Variants in DNAH5 observed in about 807,000 individuals in gnomAD.
DNAH5 encodes the protein axonemal beta dynein heavy chain 5.
Under a neutral mutation model 518.2 loss-of-function variants are expected in DNAH5, and 372 were observed. The observed-to-expected ratio is 0.72, with a 90% CI of 0.66 to 0.78. The LOEUF is 0.78. Ranked by LOEUF, DNAH5 falls within the 30% of genes least tolerant of loss-of-function variation. DNAH5 has a pLI of 0.00. For synonymous variants in DNAH5, 2,039 were observed against 2,025.9 expected (o/e 1.01, Z -0.17); for missense variants, 5,523 against 5,687.0 (o/e 0.97, Z 0.93).
At position 13,770,364 on chromosome 5, in the gene DNAH5, C is replaced by T. The variant is rs1450137182; in HGVS notation, c.9605+385G>A. 5.9e-5 allele frequency among the ~76,000 whole-genome samples: 9 copies of T among 152,270 alleles called. No homozygotes were observed. The South Asian group carries it at 6.2e-4, about 11-fold the overall frequency. ...AGAGGGAAGAGGGGATGTCTGCATTCGCAACTCCCGTCCAGGTCTATTATT... is the reference window on the plus strand; with the variant it reads ...AGAGGGAAGAGGGGATGTCTGCATTTGCAACTCCCGTCCAGGTCTATTATT... On this transcript the variant is annotated intron_variant, in intron 56 of 78. Coordinates refer to ENST00000265104, the MANE Select transcript of DNAH5 (RefSeq NM_001369.3).
At chr5:13,795,106 C>T (rs1757626253) in intron 47 of DNAH5, among the ~76,000 whole-genome samples, 1 of 152,096 alleles carries the variant, frequency 6.6e-6, no homozygotes, top group African/African-American at 2.4e-5. Flanking sequence ...CAGGAAAGAT[C>T]CAAAATTGAC....
At chr5:13,842,361 C>A (rs1262767987) in intron 32 of DNAH5, among the ~76,000 whole-genome samples, 4 of 148,922 alleles carry the variant, frequency 2.7e-5, no homozygotes, top group African/African-American at 9.9e-5. Context: ...GGCTGGGCAA[C>A]AAGAGCGAGA....
At position 13,735,198 on chromosome 5, in the gene DNAH5, C is replaced by A. The variant is rs200798994; in HGVS notation, c.11694G>T (p.Leu3898Phe). ...TCTGGATGTCAATCTTTAGGGTAAGCAACAAGGTGAACAGGAATTTGTGCT... is the reference window on the plus strand; with the variant it reads ...TCTGGATGTCAATCTTTAGGGTAAGAAACAAGGTGAACAGGAATTTGTGCT... Reference protein sequence around the residue: ...YEEHKFLFTLLLTLKIDIQRN... With the variant: ...YEEHKFLFTLFLTLKIDIQRN... The change falls in exon 68 of 79, where the codon TTG becomes TTT. Residue 3898 changes from leucine (L) to phenylalanine (F), a missense_variant. Leu to Phe is a conservative substitution (Grantham distance 22). Around this residue, in one of 3 missense-constraint regions of DNAH5, gnomAD observed 5,121 missense variants for 5,223.3 expected, o/e 0.98. Transcript: ENST00000265104. The A allele has an allele frequency of 8.9e-5, 143 of 1,614,084 alleles. 1 individual carries two copies. The East Asian group carries it at 3.1e-3, about 35-fold the overall frequency.
intron 1 of DNAH5, among the ~76,000 whole-genome samples, chr5:13,961,371 T>C (rs1781164190): frequency 6.6e-6 from 1 of 152,096 alleles, no homozygotes; most frequent in East Asian, 1.9e-4. Flanking sequence ...GAGCCGGGCA[T>C]GGTGGCTCAC....
At chr5:13,716,416 T>C in intron 74 of DNAH5, 71 bp downstream of exon 74, 1 of 1,038,528 alleles carries the variant, frequency 9.6e-7, no homozygotes, top group Non-Finnish European at 1.5e-6. Flanking sequence ...ATATAGACAG[T>C]GTAATTAATA....
At chr5:13,850,585 T>C (rs1206646537) in intron 31 of DNAH5, 67 bp downstream of exon 31, 2 of 1,448,840 alleles carry the variant, frequency 1.4e-6, no homozygotes, top group East Asian at 2.3e-5. Flanking sequence ...TGGCTAATGC[T>C]ATCTAGTCTC....
intron 41 of DNAH5, 29 bp downstream of exon 41, chr5:13,820,317 C>G (rs181434521): frequency 6.2e-7 from 1 of 1,603,648 alleles, no homozygotes; most frequent in South Asian, 1.1e-5. Context: ...AATGGGCCAC[C>G]CCAGGCATTG....
intron 70 of DNAH5, among the ~76,000 whole-genome samples, chr5:13,722,645 G>A (rs1745208866): frequency 6.6e-6 from 1 of 152,188 alleles, no homozygotes; most frequent in African/African-American, 2.4e-5. Flanking sequence ...CTGAAAATTG[G>A]TCATCAGGGA....
intron 1 of DNAH5, among the ~76,000 whole-genome samples, chr5:14,010,916 AT>A (rs1372244202): frequency 6.6e-6 from 1 of 152,098 alleles, no homozygotes; most frequent in African/African-American, 2.4e-5. Context: ...CCTGATGAAA[AT>A]ATATATGAAT....
chr5:13,893,243 G>A (rs979185978), intron 16 of DNAH5, among the ~76,000 whole-genome samples: 1 of 152,102 alleles, frequency 6.6e-6, no homozygotes, highest in Non-Finnish European at 1.5e-5. Context: ...CCTGAGGGGC[G>A]GAGTTGGGGG....
At chr5:13,940,962 C>T (rs1334876899) in intron 1 of DNAH5, among the ~76,000 whole-genome samples, 1 of 152,174 alleles carries the variant, frequency 6.6e-6, no homozygotes, top group South Asian at 2.1e-4. Context: ...ATAAGTTTTG[C>T]ACATACAGTT....
At chr5:13,804,921 A>T (rs1759343419) in intron 47 of DNAH5, among the ~76,000 whole-genome samples, 1 of 152,246 alleles carries the variant, frequency 6.6e-6, no homozygotes, top group African/African-American at 2.4e-5. Flanking sequence ...CAGAAACCAC[A>T]GATCTTTAAT....
chr5:14,011,245 G>C (rs1174641770), intron 1 of DNAH5, among the ~76,000 whole-genome samples: 1 of 152,140 alleles, frequency 6.6e-6, no homozygotes, highest in Non-Finnish European at 1.5e-5. Context: ...ACACAAAAGC[G>C]ACCTTCGCCA....
In DNAH5 at chr5:13,766,021, T is replaced by C; in HGVS notation, c.10056A>G (p.Glu3352=). ...EKSCTMPSWQ[E]SLKLMTAGNF... Reference sequence around the variant, plus strand: ...TCCCTGCAGTCATCAATTTTAAGGATTCCTGCCAGGAGGGCATGGTACAGC... The same window carrying C: ...TCCCTGCAGTCATCAATTTTAAGGACTCCTGCCAGGAGGGCATGGTACAGC... Residue 3352 remains glutamate (E), a synonymous_variant, in exon 59 of 79, where the codon GAA becomes GAG. Coordinates refer to ENST00000265104, the MANE Select transcript of DNAH5 (RefSeq NM_001369.3). 6.2e-7 allele frequency: 1 copy of C among 1,614,230 alleles called. No homozygotes were observed. The highest frequency in any genetic ancestry group is 8.5e-7 in the Non-Finnish European group (1 of 1,180,022).
intron 54 of DNAH5, 126 bp from the exon 55 acceptor site, chr5:13,776,832 A>C: frequency 9.6e-7 from 1 of 1,044,358 alleles, no homozygotes. Flanking sequence ...GAAAATTGAA[A>C]GTTTTCAAGA....
intron 75 of DNAH5, among the ~76,000 whole-genome samples, chr5:13,709,611 T>C (rs906779969): frequency 6.6e-6 from 1 of 152,132 alleles, no homozygotes; most frequent in Non-Finnish European, 1.5e-5. Context: ...TTGTGAACAT[T>C]AGCTCCGGAT....
At chr5:13,701,019 A>T in intron 77 of DNAH5, 148 bp from the exon 78 acceptor site, 1 of 964,820 alleles carries the variant, frequency 1.0e-6, no homozygotes, top group Non-Finnish European at 1.6e-6. Flanking sequence ...CCCTCATTAA[A>T]AAAACCACAT....
At chr5:13,789,783 C>T (rs1404702592) in intron 50 of DNAH5, among the ~76,000 whole-genome samples, 1 of 152,132 alleles carries the variant, frequency 6.6e-6, no homozygotes, top group African/African-American at 2.4e-5. Context: ...TCAACAATTC[C>T]ATTGACTTGT....
In DNAH5 at chr5:13,718,937, T is replaced by C. The variant is rs1460843613; in HGVS notation, c.12444A>G (p.Lys4148=). The change falls in exon 72 of 79, where the codon AAA becomes AAG. Residue 4148 remains lysine (K), a synonymous_variant. Coordinates refer to ENST00000265104, the MANE Select transcript of DNAH5 (RefSeq NM_001369.3). ...FPITLLQMSI[K]FANDPPQGLR... is the part of the protein sequence containing the mutation. ...GTCCTTGTGGAGGATCGTTGGCAAA[T>C]TTAATGGACATCTGAAGGAGTGTAA... The C allele has an allele frequency of 6.2e-7, 1 of 1,614,050 alleles. No homozygotes were observed. The highest frequency in any genetic ancestry group is 8.5e-7 in the Non-Finnish European group (1 of 1,180,026).
Sources: gnomAD v4.1 joint callset for allele counts (sites outside exome capture counted in the v4.1 genomes callset) on GRCh38, gnomAD v4.1.1 for gene constraint, gnomAD v4.1.1 regional missense constraint, MANE v1.5 for transcripts, NCBI Gene and HGNC (gene_info 2026-07-23, HGNC 2026-07-21) for gene names.